Variants in PAK5 observed in about 807,000 individuals in gnomAD.
The protein encoded by PAK5 is p21 (RAC1) activated kinase 5.
PAK5 carries 16 observed loss-of-function variants against 65.9 expected under a neutral mutation model. The observed-to-expected ratio is 0.24, with a 90% CI of 0.16 to 0.37. The LOEUF is 0.37. PAK5 is among the 10% of genes least tolerant of loss of function. The probability of loss-of-function intolerance (pLI) is 1.00; values close to 1 mark genes in which losing one functional copy is unlikely to be tolerated. For synonymous variants in PAK5, 371 were observed against 354.9 expected (o/e 1.05, Z -0.51); for missense variants, 785 against 903.9 (o/e 0.87, Z 1.69).
At chr20:9,563,606 G>T (rs6118652) in intron 5 of PAK5, among the ~76,000 whole-genome samples, 3 of 152,204 alleles carry the variant, frequency 2.0e-5, no homozygotes, top group African/African-American at 7.2e-5. Flanking sequence ...AAATTAAAAA[G>T]GCTAAGGAGC....
At chr20:9,792,657 G>T (rs2049062006) in intron 1 of PAK5, among the ~76,000 whole-genome samples, 1 of 152,072 alleles carries the variant, frequency 6.6e-6, no homozygotes, top group South Asian at 2.1e-4. Context: ...AAAGAAAGAA[G>T]CTCAAAGAAA....
intron 8 of PAK5, 151 bp downstream of exon 8, chr20:9,544,218 T>C: frequency 1.2e-6 from 1 of 835,014 alleles, no homozygotes; most frequent in Non-Finnish European, 1.9e-6. Flanking sequence ...TGCCACAGCC[T>C]ATCTACTCTG....
At chr20:9,620,962 AG>A in intron 3 of PAK5, among the ~76,000 whole-genome samples, 1 of 388 alleles carries the variant, frequency 2.6e-3, no homozygotes, top group Non-Finnish European at 5.1e-3. Context: ...AGAGAGAAAG[AG>A]AGAGAGAGAG....
At chr20:9,731,724 T>C (rs927420029) in intron 1 of PAK5, among the ~76,000 whole-genome samples, 1 of 152,224 alleles carries the variant, frequency 6.6e-6, no homozygotes, top group African/African-American at 2.4e-5. Context: ...GCAGATACTT[T>C]GCAGTGTAGA....
chr20:9,796,703 G>A (rs1034755814), intron 1 of PAK5, among the ~76,000 whole-genome samples: 7 of 152,104 alleles, frequency 4.6e-5, no homozygotes, highest in Non-Finnish European at 8.8e-5. Flanking sequence ...TGACAGTGGT[G>A]GGGCTTGGTC....
intron 3 of PAK5, among the ~76,000 whole-genome samples, chr20:9,601,967 G>C (rs931618344): frequency 2.0e-5 from 3 of 152,148 alleles, no homozygotes; most frequent in Non-Finnish European, 2.9e-5. Flanking sequence ...AGCATTTGTA[G>C]GGTTGTTTGC....
At chr20:9,763,497 T>C (rs1417091338) in intron 1 of PAK5, among the ~76,000 whole-genome samples, 1 of 151,820 alleles carries the variant, frequency 6.6e-6, no homozygotes, top group Non-Finnish European at 1.5e-5. Flanking sequence ...TACAGACACA[T>C]ATCAAAAATA....
At chr20:9,813,540 C>T (rs931608032) in intron 1 of PAK5, among the ~76,000 whole-genome samples, 1 of 151,968 alleles carries the variant, frequency 6.6e-6, no homozygotes, top group African/African-American at 2.4e-5. Flanking sequence ...AAAAAATGTT[C>T]AGTAACGTTC....
chr20:9,683,458 A>G (rs2047676856), intron 2 of PAK5, among the ~76,000 whole-genome samples: 1 of 152,208 alleles, frequency 6.6e-6, no homozygotes, highest in African/African-American at 2.4e-5. Context: ...TCCTTATGAG[A>G]TATTATAAAG....
At chr20:9,554,924 C>A (rs921890432) in intron 7 of PAK5, among the ~76,000 whole-genome samples, 1 of 152,140 alleles carries the variant, frequency 6.6e-6, no homozygotes, top group African/African-American at 2.4e-5. Context: ...TGCTGTAACG[C>A]CACCACATCA....
chr20:9,686,478 C>G (rs969954343), intron 2 of PAK5, among the ~76,000 whole-genome samples: 1 of 152,174 alleles, frequency 6.6e-6, no homozygotes, highest in Non-Finnish European at 1.5e-5. Context: ...TCACTGCAGC[C>G]TTGACTTCCT....
chr20:9,815,823 A>G lies in PAK5; in HGVS notation c.-162+22939T>C, dbSNP rs78697843. Among the ~76,000 whole-genome samples, 130 of 152,242 alleles carry G rather than the reference A, an allele frequency of 8.5e-4. 1 individual carries two copies. Among genetic ancestry groups the G allele is most frequent in the African/African-American group, 3.1e-3 (128 of 41,544 alleles). ...CAATATGCTTCTATTTCACATGCCA[A>G]ATGACAGTTCCTGCCAGACTGTCAC... On this transcript the variant is annotated intron_variant, in intron 1 of 9. Coordinates refer to ENST00000353224, the MANE Select transcript of PAK5 (RefSeq NM_177990.4).
chr20:9,634,319 C>T (rs2046958103), intron 3 of PAK5, among the ~76,000 whole-genome samples: 1 of 152,202 alleles, frequency 6.6e-6, no homozygotes, highest in South Asian at 2.1e-4. Flanking sequence ...ATTGGCCCTC[C>T]TCCAAATAGA....
intron 2 of PAK5, among the ~76,000 whole-genome samples, chr20:9,669,110 C>G (rs1189469704): frequency 6.6e-6 from 1 of 152,132 alleles, no homozygotes; most frequent in Non-Finnish European, 1.5e-5. Flanking sequence ...ATTACACATG[C>G]TGTAATGCAA....
chr20:9,640,396 A>C (rs533857613), intron 3 of PAK5, among the ~76,000 whole-genome samples: 3 of 151,870 alleles, frequency 2.0e-5, no homozygotes, highest in African/African-American at 7.3e-5. Context: ...TGAACTCATC[A>C]TTTTTTATGG....
At chr20:9,833,861 TC>T (rs1158240153) in intron 1 of PAK5, among the ~76,000 whole-genome samples, 1 of 152,212 alleles carries the variant, frequency 6.6e-6, no homozygotes, top group Non-Finnish European at 1.5e-5. Context: ...TTTATATATT[TC>T]TTATTATTCA....
chr20:9,734,292 G>T (rs2048365342), intron 1 of PAK5, among the ~76,000 whole-genome samples: 1 of 152,098 alleles, frequency 6.6e-6, no homozygotes, highest in African/African-American at 2.4e-5. Flanking sequence ...GCAGGCCAAA[G>T]GTCTGTTTGG....
At chr20:9,619,345 A>G (rs924348950) in intron 3 of PAK5, among the ~76,000 whole-genome samples, 1 of 152,242 alleles carries the variant, frequency 6.6e-6, no homozygotes, top group Non-Finnish European at 1.5e-5. Context: ...TATCTAGGAC[A>G]TGGCAAGATA....
At chr20:9,573,320 A>G (rs890718948) in intron 4 of PAK5, among the ~76,000 whole-genome samples, 3 of 152,346 alleles carry the variant, frequency 2.0e-5, no homozygotes, top group Admixed American at 6.5e-5. Flanking sequence ...TGAGCTCAAC[A>G]TCTCTAAAGA....
Sources: gnomAD v4.1 joint callset for allele counts (sites outside exome capture counted in the v4.1 genomes callset) on GRCh38, gnomAD v4.1.1 for gene constraint, MANE v1.5 for transcripts, NCBI Gene and HGNC (gene_info 2026-07-23, HGNC 2026-07-21) for gene names.